The following AKAP7 variants were observed in gnomAD, a reference collection of about 807,000 sequenced individuals.
The protein encoded by AKAP7 is A-kinase anchoring protein 7, also known as A kinase (PRKA) anchor protein 7.
Under a neutral mutation model 39.5 loss-of-function variants are expected in AKAP7, and 39 were observed. That is an observed-to-expected ratio of 0.99 (90% CI 0.76 to 1.29). AKAP7 has a LOEUF of 1.29. Among genes scored for constraint, AKAP7 ranks in the 50% most tolerant of loss-of-function variants. The pLI, the probability that AKAP7 is intolerant of heterozygous loss-of-function variation, is 0.00. For synonymous variants in AKAP7, 140 were observed against 139.1 expected (o/e 1.01, Z -0.05); for missense variants, 414 against 407.7 (o/e 1.02, Z -0.13).
intron 5 of AKAP7, among the ~76,000 whole-genome samples, chr6:131,196,565 G>C (rs1806953346): frequency 6.6e-6 from 1 of 151,864 alleles, no homozygotes; most frequent in Non-Finnish European, 1.5e-5. Context: ...TGCTCAGCCT[G>C]CATTTTTCAA....
intron 7 of AKAP7, among the ~76,000 whole-genome samples, chr6:131,257,962 T>A (rs944397498): frequency 1.3e-5 from 2 of 152,210 alleles, no homozygotes; most frequent in Non-Finnish European, 2.9e-5. Context: ...AAGGTGACTG[T>A]GGTTACACAA....
At chr6:131,203,024 A>G (rs1562210190) in intron 6 of AKAP7, among the ~76,000 whole-genome samples, 1 of 152,052 alleles carries the variant, frequency 6.6e-6, no homozygotes, top group African/African-American at 2.4e-5. Flanking sequence ...ATGTTCAGTA[A>G]ATGCCATATA....
chr6:131,281,713 A>T lies in AKAP7; in HGVS notation c.1034A>T (p.Asn345Ile). The change falls in exon 8 of 8, where the codon AAC becomes ATC. Residue 345 changes from asparagine (N) to isoleucine (I), a missense_variant. Transcript: ENST00000431975. This position sits in a 1 kb window ranked among gnomAD's most constrained non-coding sequence, Gnocchi z 4.0. ...AADQNGNDNENNRK is the reference protein window; with the variant it reads ...AADQNGNDNEINRK ...GATCAGAATGGCAATGACAATGAGA[A>T]CAACAGGAAATGAGCCCGGAACGCA... The T allele has an allele frequency of 6.2e-7, 1 of 1,605,300 alleles. No homozygotes were observed. Among genetic ancestry groups the T allele is most frequent in the Non-Finnish European group, 8.5e-7 (1 of 1,175,848 alleles).
chr6:131,282,403 G>A lies in AKAP7; in HGVS notation c.*677G>A. 1.4e-6 allele frequency: 2 copies of A among 1,476,972 alleles called. No individual in the cohort carries two copies. The highest frequency in any genetic ancestry group is 2.8e-5 in the South Asian group (2 of 71,928). The allele number at this position is 1,476,972 out of a possible 1,614,324, so 91.5% of individuals were successfully genotyped here. A position where few individuals can be genotyped will look rare whatever the true frequency, so the allele number is the denominator to read the frequency against. ...TATATAATTTTTTTTTCTTAGGCAAGAAACCTATTGGAATTCGAGACTTAA... is the reference window on the plus strand; with the variant it reads ...TATATAATTTTTTTTTCTTAGGCAAAAAACCTATTGGAATTCGAGACTTAA... On this transcript the variant is annotated 3_prime_UTR_variant, in exon 8 of 8. Coordinates refer to ENST00000431975, the MANE Select transcript of AKAP7 (RefSeq NM_016377.4).
intron 1 of AKAP7, among the ~76,000 whole-genome samples, chr6:131,143,752 A>C (rs201469576): frequency 2.2e-5 from 3 of 136,806 alleles, no homozygotes; most frequent in African/African-American, 5.4e-5. Flanking sequence ...TTTTTTTTTT[A>C]TTTTTTATTT....
chr6:131,177,060 C>G (rs1489803301), intron 5 of AKAP7, among the ~76,000 whole-genome samples: 1 of 152,194 alleles, frequency 6.6e-6, no homozygotes, highest in Non-Finnish European at 1.5e-5. Flanking sequence ...TTTCTCATCT[C>G]TCTCTTAATC....
At chr6:131,243,992 G>T in intron 7 of AKAP7, among the ~76,000 whole-genome samples, 1 of 146,090 alleles carries the variant, frequency 6.8e-6, no homozygotes. Context: ...TATATTCTTT[G>T]CTTTTCCTTT....
chr6:131,250,270 A>AG (rs1273923059), intron 7 of AKAP7: 1 of 1,188,920 alleles, frequency 8.4e-7, no homozygotes, highest in East Asian at 4.2e-5. Flanking sequence ...ACCTATGGCC[A>AG]GGGACTCACA....
the AKAP7 span, among the ~76,000 whole-genome samples, chr6:131,130,246 T>C: frequency 2.1e-4 from 32 of 152,374 alleles, no homozygotes; most frequent in Non-Finnish European, 4.4e-4. Flanking sequence ...AAAAATCTTC[T>C]GTGATGCAGC....
At chr6:131,205,642 C>G (rs1000362573) in intron 6 of AKAP7, among the ~76,000 whole-genome samples, 1 of 152,152 alleles carries the variant, frequency 6.6e-6, no homozygotes, top group South Asian at 2.1e-4. Flanking sequence ...AGTTAGAGAG[C>G]TGAGTTGAGG....
intron 5 of AKAP7, among the ~76,000 whole-genome samples, chr6:131,172,663 A>T (rs1203664404): frequency 2.6e-5 from 4 of 152,172 alleles, no homozygotes; most frequent in Non-Finnish European, 5.9e-5. Context: ...AAGAGCGTCT[A>T]TTCCTCTCAC....
rs189411207 is a variant in AKAP7, at chr6:131,230,973, A to T, written c.850+11165A>T. Among the ~76,000 whole-genome samples the T allele has an allele frequency of 2.7e-3, 408 of 152,262 alleles. 1 individual carries two copies. The highest frequency in any genetic ancestry group is 9.4e-3 in the African/African-American group (389 of 41,558). ...GGTAGGGGTGTTGCCAGTCATTTTG[A>T]AGAGTATAAAGGAGTCCTGAGGCCA... On this transcript the variant is annotated intron_variant, in intron 7 of 7. Transcript: ENST00000431975.
intron 7 of AKAP7, among the ~76,000 whole-genome samples, chr6:131,277,316 T>C (rs939733881): frequency 6.6e-6 from 1 of 152,248 alleles, no homozygotes; most frequent in Non-Finnish European, 1.5e-5. Flanking sequence ...AAAATAACAA[T>C]GTCAAAGACA....
At chr6:131,241,814 A>C (rs1465318162) in intron 7 of AKAP7, among the ~76,000 whole-genome samples, 1 of 151,948 alleles carries the variant, frequency 6.6e-6, no homozygotes, top group African/African-American at 2.4e-5. Context: ...GATAGAGATA[A>C]AAGGTTTTGG....
intron 7 of AKAP7, among the ~76,000 whole-genome samples, chr6:131,260,053 G>GTT (rs905658578): frequency 3.4e-5 from 5 of 148,586 alleles, no homozygotes; most frequent in African/African-American, 1.2e-4. Flanking sequence ...TGTGGTGTTT[G>GTT]TTTTTTTTTT....
At chr6:131,214,888 T>C (rs934531876) in intron 6 of AKAP7, among the ~76,000 whole-genome samples, 4 of 152,216 alleles carry the variant, frequency 2.6e-5, no homozygotes, top group Admixed American at 2.0e-4. Context: ...CTTTTCAATA[T>C]ATTATTTTCT....
rs547392548 is a variant in AKAP7, at chr6:131,165,067, G to T, written c.292-14G>T. Reference sequence around the variant, plus strand: ...TCACTGGAATTTTTTTTATATGTGTGTATGTGTTATTAGATTATAAAAGGA... The same window carrying T: ...TCACTGGAATTTTTTTTATATGTGTTTATGTGTTATTAGATTATAAAAGGA... On this transcript the variant is annotated splice_polypyrimidine_tract_variant and intron_variant, in intron 3 of 7. Transcript: ENST00000431975. 3 of 1,580,080 alleles carry T rather than the reference G, an allele frequency of 1.9e-6. No homozygotes were observed. The highest frequency in any genetic ancestry group is 3.8e-5 in the Admixed American group (2 of 52,762).
chr6:131,136,517 A>G (rs6569733), intron 1 of AKAP7, among the ~76,000 whole-genome samples: 39,417 of 152,162 alleles, frequency 0.26, 6,891 homozygotes, highest in East Asian at 0.86. Flanking sequence ...GAATGATGAC[A>G]GTGAGTTTTT....
intron 7 of AKAP7, among the ~76,000 whole-genome samples, chr6:131,220,824 T>C (rs577398989): frequency 6.6e-6 from 1 of 152,306 alleles, no homozygotes; most frequent in East Asian, 1.9e-4. Flanking sequence ...TCTTTGATGT[T>C]ATTATCGTTA....
Sources: gnomAD v4.1 joint callset for allele counts (sites outside exome capture counted in the v4.1 genomes callset) on GRCh38, gnomAD v4.1.1 for gene constraint, Gnocchi (gnomAD v3.1) non-coding constraint, MANE v1.5 for transcripts, NCBI Gene and HGNC (gene_info 2026-07-23, HGNC 2026-07-21) for gene names.